Variants in PDE1C observed in about 807,000 individuals in gnomAD.
PDE1C encodes the protein phosphodiesterase 1C.
Under a neutral mutation model 93.1 loss-of-function variants are expected in PDE1C, and 62 were observed. That is an observed-to-expected ratio of 0.67 (90% CI 0.54 to 0.82). The LOEUF is 0.82. PDE1C is among the 40% of genes least tolerant of loss of function. The probability of loss-of-function intolerance (pLI) is 0.00; values close to 1 mark genes in which losing one functional copy is unlikely to be tolerated. For missense variants in PDE1C, 742 were observed against 884.6 expected, an observed-to-expected ratio of 0.84 and a Z score of 2.04; for synonymous variants, 325 against 310.1, an observed-to-expected ratio of 1.05 and a Z score of -0.50.
rs951911779 is a variant in PDE1C at position 32,372,368 on chromosome 7, G to A, written c.310+55454C>T. On this transcript the variant is annotated intron_variant, in intron 1 of 1. Transcript: ENST00000672256. ...CATGCCCAGCCTAATTTTTGACAAG[G>A]GTACCAAGACAATTCAATGGGGAAA... 2.6e-5 allele frequency among the ~76,000 whole-genome samples: 4 copies of A among 151,896 alleles called. No homozygotes were observed. In the South Asian group the frequency reaches 8.3e-4, roughly 32 times the overall value.
At chr7:32,312,868 C>A (rs1164366728) in intron 1 of PDE1C, among the ~76,000 whole-genome samples, 4 of 152,078 alleles carry the variant, frequency 2.6e-5, no homozygotes, top group African/African-American at 9.7e-5. Flanking sequence ...TCTAAAACAC[C>A]AAAAGCAATG....
chr7:32,166,045 T>A (rs1802240052), intron 3 of PDE1C, among the ~76,000 whole-genome samples: 1 of 126,748 alleles, frequency 7.9e-6, no homozygotes, highest in Non-Finnish European at 1.7e-5. Context: ...ACAGAGGTTT[T>A]GCCACCAAAA....
At chr7:31,657,226 G>A in the PDE1C span, among the ~76,000 whole-genome samples, 5 of 31,002 alleles carry the variant, frequency 1.6e-4, no homozygotes, top group African/African-American at 6.3e-4. Flanking sequence ...CTAAGCTCTG[G>A]CAACCATTAA....
intron 2 of PDE1C, among the ~76,000 whole-genome samples, chr7:32,205,755 G>C (rs997355404): frequency 6.6e-6 from 1 of 152,142 alleles, no homozygotes; most frequent in Non-Finnish European, 1.5e-5. Context: ...TGAAGCCAGC[G>C]AGACCATGAA....
intron 3 of PDE1C, among the ~76,000 whole-genome samples, chr7:32,154,222 G>A (rs1801432913): frequency 6.6e-6 from 1 of 152,126 alleles, no homozygotes; most frequent in African/African-American, 2.4e-5. Flanking sequence ...TTGCACCACT[G>A]CACTCCACCC....
chr7:31,979,101 A>C (rs1812047355), intron 2 of PDE1C, among the ~76,000 whole-genome samples: 1 of 152,196 alleles, frequency 6.6e-6, no homozygotes, highest in Non-Finnish European at 1.5e-5. Flanking sequence ...TATCATTAAT[A>C]AAACATAGCC....
chr7:32,307,256 T>A (rs1456145693), intron 1 of PDE1C, among the ~76,000 whole-genome samples: 3 of 152,170 alleles, frequency 2.0e-5, no homozygotes, highest in Admixed American at 2.0e-4. Flanking sequence ...ATGGAGTTAT[T>A]CAGGGACTAA....
chr7:31,776,641 C>A (rs1029382776), intron 16 of PDE1C, among the ~76,000 whole-genome samples: 1 of 151,966 alleles, frequency 6.6e-6, no homozygotes, highest in Non-Finnish European at 1.5e-5. Flanking sequence ...TATATACACA[C>A]AGACACATAT....
chr7:31,848,590 T>C (rs969879954), intron 8 of PDE1C, among the ~76,000 whole-genome samples: 1 of 152,184 alleles, frequency 6.6e-6, no homozygotes, highest in Non-Finnish European at 1.5e-5. Flanking sequence ...AAAAGCCACA[T>C]GTGGAAAATT....
chr7:31,682,158 T>A, the PDE1C span, among the ~76,000 whole-genome samples: 26 of 152,154 alleles, frequency 1.7e-4, no homozygotes, highest in Admixed American at 1.5e-3. Flanking sequence ...GTGCTGAGAA[T>A]TAAACAAATA....
intron 3 of PDE1C, among the ~76,000 whole-genome samples, chr7:32,121,912 A>G (rs911993163): frequency 6.6e-6 from 1 of 152,226 alleles, no homozygotes; most frequent in African/African-American, 2.4e-5. Context: ...CCCCCAATTA[A>G]AAGACACAGA....
At chr7:31,809,010 T>C in intron 16 of PDE1C, 21 bp downstream of exon 16, 1 of 1,377,500 alleles carries the variant, frequency 7.3e-7, no homozygotes, top group Non-Finnish European at 1.0e-6. Context: ...TGGAAAAATG[T>C]AATGAGAATA....
intron 1 of PDE1C, among the ~76,000 whole-genome samples, chr7:32,255,014 C>T (rs1174837178): frequency 1.3e-5 from 2 of 152,202 alleles, no homozygotes; most frequent in East Asian, 3.8e-4. Context: ...TGCAGCCAGC[C>T]TAAGTTAGAT....
chr7:32,265,201 T>C (rs1210183893), intron 1 of PDE1C, among the ~76,000 whole-genome samples: 1 of 152,250 alleles, frequency 6.6e-6, no homozygotes, highest in Non-Finnish European at 1.5e-5. Context: ...ATATTTATAA[T>C]GCTACTAACA....
the PDE1C span, among the ~76,000 whole-genome samples, chr7:31,656,986 T>C: frequency 3.4e-5 from 5 of 149,196 alleles, no homozygotes; most frequent in South Asian, 1.1e-3. Context: ...GCCTTTAGGC[T>C]CAGACTGAAT....
At chr7:32,261,095 G>A (rs574215062) in intron 1 of PDE1C, among the ~76,000 whole-genome samples, 1 of 152,204 alleles carries the variant, frequency 6.6e-6, no homozygotes, top group South Asian at 2.1e-4. Context: ...GGGCAACAGA[G>A]CGAGACTTCG....
At chr7:31,957,461 C>G (rs1205236832) in intron 2 of PDE1C, among the ~76,000 whole-genome samples, 1 of 152,112 alleles carries the variant, frequency 6.6e-6, no homozygotes, top group African/African-American at 2.4e-5. Flanking sequence ...AACAAACCTC[C>G]TCACCCTCAC....
chr7:31,653,028 G>A, the PDE1C span: 1 of 1,340,806 alleles, frequency 7.5e-7, no homozygotes, highest in Non-Finnish European at 9.8e-7. Flanking sequence ...TGAGCACCTA[G>A]TATGTGCCTG....
intron 7 of PDE1C, among the ~76,000 whole-genome samples, chr7:31,854,961 G>A (rs1793812740): frequency 6.6e-6 from 1 of 151,486 alleles, no homozygotes. Flanking sequence ...CAGCTACTCA[G>A]GAGGCTGAGG....
Sources: allele counts gnomAD v4.1 joint callset (sites outside exome capture counted in the v4.1 genomes callset), GRCh38; gene constraint gnomAD v4.1.1; transcripts MANE v1.5; gene names NCBI Gene and HGNC (gene_info 2026-07-23, HGNC 2026-07-21).